ROR1: variants seen among roughly 807,000 people sequenced by gnomAD.
ROR1 encodes inactive tyrosine-protein kinase transmembrane receptor ROR1.
ROR1 carries 19 observed loss-of-function variants against 78.8 expected under a neutral mutation model. The observed-to-expected ratio is 0.24, with a 90% CI of 0.17 to 0.35. The LOEUF is 0.35. ROR1 is among the 10% of genes least tolerant of loss of function. ROR1 has a pLI of 1.00. For synonymous variants in ROR1, 386 were observed against 433.6 expected (o/e 0.89, Z 1.36); for missense variants, 917 against 1,177.8 (o/e 0.78, Z 3.24).
intron 1 of ROR1, among the ~76,000 whole-genome samples, chr1:63,824,258 A>C (rs572658121): frequency 1.3e-5 from 2 of 152,324 alleles, no homozygotes; most frequent in South Asian, 4.1e-4. Flanking sequence ...TTTGCAGGCC[A>C]TATAGACTCT....
chr1:64,018,690 G>T (rs531025553), intron 2 of ROR1, among the ~76,000 whole-genome samples: 44 of 152,314 alleles, frequency 2.9e-4, no homozygotes, highest in African/African-American at 1.0e-3. Context: ...AAAGAACAGC[G>T]TGTCAAGCTG....
chr1:63,952,362 A>G (rs1645947203), intron 1 of ROR1, among the ~76,000 whole-genome samples: 1 of 152,148 alleles, frequency 6.6e-6, no homozygotes, highest in Non-Finnish European at 1.5e-5. Context: ...AGGAATTTGG[A>G]TTTCATTCTA....
chr1:63,931,102 C>G (rs1462857316), intron 1 of ROR1, among the ~76,000 whole-genome samples: 2 of 152,076 alleles, frequency 1.3e-5, no homozygotes, highest in East Asian at 3.9e-4. Context: ...GTCAGCATAG[C>G]AAAACCCCAT....
chr1:64,130,204 AG>A (rs1169571921), intron 4 of ROR1, among the ~76,000 whole-genome samples: 1 of 152,030 alleles, frequency 6.6e-6, no homozygotes, highest in African/African-American at 2.4e-5. Context: ...AAGGGATGTA[AG>A]GGTTAGCTGA....
chr1:63,895,032 T>C (rs1013691964), intron 1 of ROR1, among the ~76,000 whole-genome samples: 3 of 152,176 alleles, frequency 2.0e-5, no homozygotes, highest in African/African-American at 7.2e-5. Context: ...TTATAAAACA[T>C]ATTTGGATGA....
intron 1 of ROR1, among the ~76,000 whole-genome samples, chr1:63,880,007 T>G (rs1569855661): frequency 6.6e-6 from 1 of 151,996 alleles, no homozygotes; most frequent in South Asian, 2.1e-4. Flanking sequence ...TAATGGAGGG[T>G]TTTGGTGGTT....
At chr1:63,801,763 A>C (rs1644798710) in intron 1 of ROR1, among the ~76,000 whole-genome samples, 1 of 152,214 alleles carries the variant, frequency 6.6e-6, no homozygotes, top group Non-Finnish European at 1.5e-5. Context: ...ATAGTGAAGA[A>C]ATGAAATTAA....
chr1:64,167,777 T>C (rs935449637), intron 8 of ROR1, among the ~76,000 whole-genome samples: 2 of 152,210 alleles, frequency 1.3e-5, no homozygotes, highest in Admixed American at 6.5e-5. Flanking sequence ...GTTTTGTTCA[T>C]CTATCCCAGT....
At chr1:63,894,749 G>A (rs981170815) in intron 1 of ROR1, among the ~76,000 whole-genome samples, 8 of 152,170 alleles carry the variant, frequency 5.3e-5, no homozygotes, top group South Asian at 2.1e-4. Flanking sequence ...TGAGAAAGAC[G>A]AAACTGGTAG....
rs147080936 is a variant in ROR1, at chr1:64,071,022, A to G, written c.482+20306A>G. On this transcript the variant is annotated intron_variant, in intron 4 of 8. Transcript: ENST00000371079. ...GGAAAGAAAGATTATTCTAGGCAAA[A>G]TAACAGCAAGAACAAAGACCATGAC... Among the ~76,000 whole-genome samples, 3 of 152,356 alleles carry G rather than the reference A, an allele frequency of 2.0e-5. No individual in the cohort carries two copies. In the East Asian group the frequency reaches 5.8e-4, roughly 29 times the overall value.
chr1:64,061,564 G>A (rs1050465124), intron 4 of ROR1, among the ~76,000 whole-genome samples: 1 of 152,192 alleles, frequency 6.6e-6, no homozygotes, highest in Non-Finnish European at 1.5e-5. Context: ...AAAAGAGCAG[G>A]TCTGGGAGTG....
intron 1 of ROR1, among the ~76,000 whole-genome samples, chr1:63,947,208 G>A (rs932916084): frequency 6.6e-6 from 1 of 152,156 alleles, no homozygotes; most frequent in African/African-American, 2.4e-5. Context: ...AGCGCGCCCA[G>A]TACAGTCCCC....
chr1:64,024,123 A>C (rs1158138316), intron 2 of ROR1, among the ~76,000 whole-genome samples: 1 of 152,218 alleles, frequency 6.6e-6, no homozygotes, highest in Non-Finnish European at 1.5e-5. Flanking sequence ...GAGTCAATTA[A>C]ATCTCTTTTC....
At chr1:63,946,570 C>G (rs2100464028) in intron 1 of ROR1, among the ~76,000 whole-genome samples, 1 of 152,264 alleles carries the variant, frequency 6.6e-6, no homozygotes, top group South Asian at 2.1e-4. Flanking sequence ...TTGTTTTTGT[C>G]ATGTAATTTT....
chr1:64,003,232 A>G (rs536326397), intron 1 of ROR1, among the ~76,000 whole-genome samples: 175 of 152,154 alleles, frequency 1.2e-3, no homozygotes, highest in Non-Finnish European at 2.1e-3. Context: ...TCACCATATA[A>G]CAATACAAAT....
Position 63,925,517 on chromosome 1 carries a change from G to A in ROR1, c.92-83788G>A, listed in dbSNP as rs1365135223. ...ATAGCAGCATGATTTATAGTCCTTTGGGTATATACCCAGTAATGGGATGGC... is the reference window on the plus strand; with the variant it reads ...ATAGCAGCATGATTTATAGTCCTTTAGGTATATACCCAGTAATGGGATGGC... On this transcript the variant is annotated intron_variant, in intron 1 of 8. Coordinates refer to ENST00000371079, the MANE Select transcript of ROR1 (RefSeq NM_005012.4). Among the ~76,000 whole-genome samples the A allele has an allele frequency of 2.9e-4, 44 of 152,164 alleles. No homozygotes were observed. In the East Asian group the frequency reaches 8.5e-3, roughly 29 times the overall value.
intron 2 of ROR1, among the ~76,000 whole-genome samples, chr1:64,035,908 C>A (rs776771306): frequency 4.6e-5 from 7 of 152,150 alleles, no homozygotes; most frequent in Non-Finnish European, 7.3e-5. Flanking sequence ...TTTCCTCACC[C>A]TCTTACACTG....
intron 1 of ROR1, among the ~76,000 whole-genome samples, chr1:63,804,711 C>G (rs1325823025): frequency 6.6e-6 from 1 of 152,106 alleles, no homozygotes; most frequent in African/African-American, 2.4e-5. Flanking sequence ...TGCAGGGCTG[C>G]TTTTTCTACA....
At chr1:64,129,148 G>C (rs954143937) in intron 4 of ROR1, among the ~76,000 whole-genome samples, 73 of 152,282 alleles carry the variant, frequency 4.8e-4, no homozygotes, top group Middle Eastern at 3.4e-3. Context: ...ACCATCAGCA[G>C]AAGGAATGGG....
Sources: allele counts gnomAD v4.1 joint callset (sites outside exome capture counted in the v4.1 genomes callset), GRCh38; gene constraint gnomAD v4.1.1; transcripts MANE v1.5; gene names NCBI Gene and HGNC (gene_info 2026-07-23, HGNC 2026-07-21).